The following ATP13A4 variants were observed in gnomAD, a reference collection of about 807,000 sequenced individuals.
The protein encoded by ATP13A4 is probable cation-transporting ATPase 13A4.
Under a neutral mutation model 142.5 loss-of-function variants are expected in ATP13A4, and 114 were observed. That is an observed-to-expected ratio of 0.80 (90% CI 0.69 to 0.93). The LOEUF (loss-of-function observed/expected upper bound fraction) is 0.93. ATP13A4 is among the 40% of genes least tolerant of loss of function. ATP13A4 has a pLI of 0.00. For synonymous variants in ATP13A4, 488 were observed against 514.8 expected (o/e 0.95, Z 0.70); for missense variants, 1,392 against 1,454.0 (o/e 0.96, Z 0.69).
At chr3:193,405,365 T>C (rs1236882057) in intron 29 of ATP13A4, among the ~76,000 whole-genome samples, 1 of 152,190 alleles carries the variant, frequency 6.6e-6, no homozygotes, top group Non-Finnish European at 1.5e-5. Flanking sequence ...TCCCAGAATC[T>C]TTTTCTACTC....
chr3:193,488,051 G>T (rs1368082210), intron 7 of ATP13A4, among the ~76,000 whole-genome samples: 1 of 151,188 alleles, frequency 6.6e-6, no homozygotes, highest in African/African-American at 2.4e-5. Flanking sequence ...ATCACTGGAG[G>T]TCAGGAGATC....
intron 2 of ATP13A4, chr3:193,578,704 A>G (rs1464234895): frequency 1.3e-5 from 2 of 152,526 alleles, no homozygotes; most frequent in Non-Finnish European, 2.9e-5. Flanking sequence ...AGAGGAAAGG[A>G]ACATACCCTC....
At chr3:193,517,558 G>A (rs1721482323) in intron 1 of ATP13A4, among the ~76,000 whole-genome samples, 1 of 152,196 alleles carries the variant, frequency 6.6e-6, no homozygotes, top group South Asian at 2.1e-4. Flanking sequence ...TCGGCTCACT[G>A]CAAGCTCCGC....
intron 1 of ATP13A4, among the ~76,000 whole-genome samples, chr3:193,551,745 C>A (rs1723581099): frequency 6.6e-6 from 1 of 152,198 alleles, no homozygotes; most frequent in Non-Finnish European, 1.5e-5. Context: ...CCGTCCCGTC[C>A]CAGTGCTCTC....
chr3:193,555,190 C>G (rs1397717078), upstream of ATP13A4: 1 of 341,614 alleles, frequency 2.9e-6, no homozygotes, highest in Admixed American at 4.0e-5. Flanking sequence ...TTGGCAGGAC[C>G]CTTCTCAGGA....
intron 1 of ATP13A4, among the ~76,000 whole-genome samples, chr3:193,523,096 A>G (rs145241033): frequency 1.2e-3 from 177 of 152,206 alleles, no homozygotes; most frequent in African/African-American, 4.1e-3. Context: ...CGAGGTCAGG[A>G]GTTTGAGATC....
chr3:193,532,431 C>A (rs1722384267), intron 1 of ATP13A4, among the ~76,000 whole-genome samples: 1 of 148,168 alleles, frequency 6.7e-6, no homozygotes, highest in South Asian at 2.2e-4. Context: ...AGGCCCCCAA[C>A]AAACTGAATT....
At chr3:193,489,676 A>G in intron 7 of ATP13A4, 54 bp downstream of exon 7, 3 of 1,559,464 alleles carry the variant, frequency 1.9e-6, no homozygotes, top group Non-Finnish European at 2.6e-6. Context: ...CAAATTTTTA[A>G]TAAAGTCATT....
chr3:193,528,188 A>G (rs1722116079), intron 1 of ATP13A4, among the ~76,000 whole-genome samples: 1 of 152,226 alleles, frequency 6.6e-6, no homozygotes, highest in African/African-American at 2.4e-5. Flanking sequence ...GAGAAGGAGC[A>G]TGTCACATGC....
chr3:193,489,180 G>C (rs187884130), intron 7 of ATP13A4, among the ~76,000 whole-genome samples: 1 of 152,306 alleles, frequency 6.6e-6, no homozygotes, highest in East Asian at 1.9e-4. Context: ...CTTGATTAGA[G>C]ATGAACAGAA....
At chr3:193,492,663 A>G (rs979955210) in intron 5 of ATP13A4, among the ~76,000 whole-genome samples, 2 of 152,118 alleles carry the variant, frequency 1.3e-5, no homozygotes, top group African/African-American at 2.4e-5. Flanking sequence ...CGTTCCGGCC[A>G]TGAAACCCCT....
chr3:193,469,141 T>C (rs1317871430), intron 9 of ATP13A4, among the ~76,000 whole-genome samples: 2 of 152,152 alleles, frequency 1.3e-5, no homozygotes, highest in African/African-American at 4.8e-5. Context: ...GCCAAGGATG[T>C]AGCCATGAGC....
At chr3:193,525,849 C>T (rs1471739022) in intron 1 of ATP13A4, among the ~76,000 whole-genome samples, 8 of 151,990 alleles carry the variant, frequency 5.3e-5, no homozygotes, top group South Asian at 2.1e-4. Flanking sequence ...TTGGAAATCA[C>T]CATATAACCA....
At chr3:193,403,773 G>T (rs1714360442) in intron 29 of ATP13A4, 1 of 985,028 alleles carries the variant, frequency 1.0e-6, no homozygotes, top group Non-Finnish European at 1.2e-6. Flanking sequence ...TGCTCACAAA[G>T]ATTGACCATC....
chr3:193,433,338 A>C (rs1220878611), intron 25 of ATP13A4, among the ~76,000 whole-genome samples: 2 of 152,172 alleles, frequency 1.3e-5, no homozygotes, highest in Admixed American at 1.3e-4. Flanking sequence ...TAAAGTCAAA[A>C]ATAAAAAAAT....
At chr3:193,408,942 A>G (rs1714637047) in intron 28 of ATP13A4, among the ~76,000 whole-genome samples, 1 of 152,210 alleles carries the variant, frequency 6.6e-6, no homozygotes, top group South Asian at 2.1e-4. Context: ...ATCTCAGAAG[A>G]CCTGAACAAA....
chr3:193,503,606 A>C (rs1364814725), intron 2 of ATP13A4, among the ~76,000 whole-genome samples: 1 of 152,168 alleles, frequency 6.6e-6, no homozygotes, highest in African/African-American at 2.4e-5. Flanking sequence ...TTTGCTATGA[A>C]GAGTGCCCTA....
intron 1 of ATP13A4, among the ~76,000 whole-genome samples, chr3:193,543,218 G>A (rs1047396139): frequency 1.3e-5 from 2 of 148,574 alleles, no homozygotes; most frequent in Non-Finnish European, 3.0e-5. Flanking sequence ...TAAAAACATA[G>A]GCACAGGCAA....
intron 1 of ATP13A4, among the ~76,000 whole-genome samples, chr3:193,540,720 A>T (rs1722849038): frequency 6.6e-6 from 1 of 152,190 alleles, no homozygotes; most frequent in East Asian, 1.9e-4. Context: ...TTTTAATATG[A>T]GGGAAATATA....
Sources: gnomAD v4.1 joint callset for allele counts (sites outside exome capture counted in the v4.1 genomes callset) on GRCh38, gnomAD v4.1.1 for gene constraint, MANE v1.5 for transcripts, NCBI Gene and HGNC (gene_info 2026-07-23, HGNC 2026-07-21) for gene names.